ANKFY1: variants seen among roughly 807,000 people sequenced by gnomAD.
ANKFY1 encodes ankyrin repeat and FYVE domain-containing protein 1.
A neutral mutation model predicts 128.3 loss-of-function variants in ANKFY1; 47 were observed. The ratio of observed to expected loss-of-function variants is 0.37; its 90% CI spans 0.29 to 0.47. The LOEUF (loss-of-function observed/expected upper bound fraction) is 0.47, where lower values mean the gene tolerates loss of function less well. Among genes scored for constraint, ANKFY1 ranks in the 20% least tolerant of loss-of-function variants. The probability of loss-of-function intolerance (pLI) is 1.00; values close to 1 mark genes in which losing one functional copy is unlikely to be tolerated. For synonymous variants in ANKFY1, 553 were observed against 601.6 expected (o/e 0.92, Z 1.18); for missense variants, 1,222 against 1,510.6 (o/e 0.81, Z 3.17).
intron 2 of ANKFY1, among the ~76,000 whole-genome samples, chr17:4,240,649 C>T (rs1967160488): frequency 6.6e-6 from 1 of 152,196 alleles, no homozygotes; most frequent in African/African-American, 2.4e-5. Flanking sequence ...GCCTCGGCCT[C>T]CCAAACTGCT....
chr17:4,241,069 A>T (rs918407741), intron 2 of ANKFY1, among the ~76,000 whole-genome samples: 4 of 152,174 alleles, frequency 2.6e-5, no homozygotes, highest in African/African-American at 9.6e-5. Context: ...TTAAAAAGAA[A>T]AACGACAGCT....
intron 1 of ANKFY1, among the ~76,000 whole-genome samples, chr17:4,253,228 A>G (rs980719470): frequency 6.6e-6 from 1 of 152,136 alleles, no homozygotes; most frequent in African/African-American, 2.4e-5. Context: ...CTCAACAACA[A>G]CAACAACAAC....
chr17:4,202,981 C>CACAT (rs56856304), intron 7 of ANKFY1, among the ~76,000 whole-genome samples: 11 of 146,236 alleles, frequency 7.5e-5, no homozygotes, highest in Non-Finnish European at 9.0e-5. Context: ...TAATCATACA[C>CACAT]ATATATATAT....
chr17:4,215,321 TC>T (rs1193322820), intron 4 of ANKFY1, among the ~76,000 whole-genome samples: 1 of 151,752 alleles, frequency 6.6e-6, no homozygotes, highest in African/African-American at 2.4e-5. Flanking sequence ...AGTATTTTCT[TC>T]AGTGTGCCCT....
chr17:4,232,004 T>C (rs2060521033), intron 3 of ANKFY1, among the ~76,000 whole-genome samples: 1 of 152,058 alleles, frequency 6.6e-6, no homozygotes. Flanking sequence ...AATGTGGAGT[T>C]TTTCTTACAT....
chr17:4,208,293 A>G lies in ANKFY1; in HGVS notation c.583-211T>C, dbSNP rs560367824. ...ATATTATGGCATAAAGAGATTAGAT[A>G]ACTTGCTCAAGTTCAGACAGTCCTT... On this transcript the variant is annotated intron_variant, in intron 5 of 24. Coordinates refer to ENST00000341657, the MANE Select transcript of ANKFY1 (RefSeq NM_001330063.2). Among the ~76,000 whole-genome samples, 9 of 152,348 alleles carry G rather than the reference A, an allele frequency of 5.9e-5. No homozygotes were observed. The South Asian group carries it at 1.7e-3, about 28-fold the overall frequency.
chr17:4,194,254 GCCACCATGC>G (rs951405773), intron 10 of ANKFY1, among the ~76,000 whole-genome samples: 4 of 150,890 alleles, frequency 2.7e-5, no homozygotes, highest in Non-Finnish European at 3.0e-5. Context: ...ACAGGAGCCC[GCCACCATGC>G]CCAGCTGATA....
At chr17:4,194,080 C>T (rs899551510) in intron 10 of ANKFY1, among the ~76,000 whole-genome samples, 3 of 135,902 alleles carry the variant, frequency 2.2e-5, no homozygotes, top group Admixed American at 1.6e-4. Flanking sequence ...AGCTACCACG[C>T]CCGGCCATAT....
intron 11 of ANKFY1, chr17:4,188,331 T>C (rs558948243): frequency 6.6e-6 from 1 of 152,412 alleles, no homozygotes; most frequent in Admixed American, 6.5e-5. Context: ...CAAGATACAC[T>C]TGTCTGGCTC....
intron 1 of ANKFY1, among the ~76,000 whole-genome samples, chr17:4,254,942 GAAGA>G (rs1434337660): frequency 1.3e-5 from 2 of 152,082 alleles, no homozygotes; most frequent in African/African-American, 4.8e-5. Flanking sequence ...ACAATTAGCA[GAAGA>G]CAGACTCAAG....
At chr17:4,224,169 A>AT (rs1030278855) in intron 3 of ANKFY1, among the ~76,000 whole-genome samples, 2 of 90,492 alleles carry the variant, frequency 2.2e-5, no homozygotes, top group Admixed American at 1.0e-4. Flanking sequence ...ACTGCTTTTT[A>AT]TTTTTTTTAC....
At chr17:4,173,563 C>T (rs1241285887) in intron 20 of ANKFY1, 119 bp from the exon 21 acceptor site, 10 of 895,832 alleles carry the variant, frequency 1.1e-5, no homozygotes, top group Admixed American at 6.0e-5. Context: ...CGACTGGCCA[C>T]GCACAGAGCC....
intron 19 of ANKFY1, among the ~76,000 whole-genome samples, chr17:4,176,570 A>G (rs951582915): frequency 6.6e-5 from 10 of 152,162 alleles, no homozygotes; most frequent in African/African-American, 2.4e-4. Context: ...ACTTCAACCA[A>G]ACTTTCCTAC....
rs184323750 is a variant in ANKFY1, at chr17:4,179,197, A to G, written c.2398-140T>C. Reference sequence around the variant, plus strand: ...ACCCTGTGTTTGACTCAGCTTTTGAAGAGGCCAAAGAGAAATGACTAAATG... The same window carrying G: ...ACCCTGTGTTTGACTCAGCTTTTGAGGAGGCCAAAGAGAAATGACTAAATG... On this transcript the variant is annotated intron_variant, in intron 17 of 24. Transcript: ENST00000341657. 1.4e-5 allele frequency: 12 copies of G among 880,908 alleles called. No individual in the cohort carries two copies. In the East Asian group the frequency reaches 2.6e-4, roughly 19 times the overall value. 54.6% of individuals were successfully genotyped at this position (880,908 alleles called of 1,614,324 possible). A position where few individuals can be genotyped will look rare whatever the true frequency, so the allele number is the denominator to read the frequency against.
chr17:4,197,933 C>G (rs2059856456), intron 7 of ANKFY1, among the ~76,000 whole-genome samples: 1 of 152,080 alleles, frequency 6.6e-6, no homozygotes, highest in South Asian at 2.1e-4. Context: ...AGTTGGAGAC[C>G]AGCCTGACCA....
rs2059273231 is a variant in ANKFY1, at chr17:4,169,381, G to A, written c.3287-93C>T. The A allele has an allele frequency of 2.2e-6, 2 of 922,104 alleles. No homozygotes were observed. The highest frequency in any genetic ancestry group is 5.3e-5 in the East Asian group (2 of 37,482). 57.1% of individuals were successfully genotyped at this position (922,104 alleles called of 1,614,324 possible). On this transcript the variant is annotated intron_variant, in intron 23 of 24. Coordinates refer to ENST00000341657, the MANE Select transcript of ANKFY1 (RefSeq NM_001330063.2). The surrounding 1 kb of genome is among the most constrained non-coding windows in gnomAD (Gnocchi z 5.0). The stretch of plus-strand genomic sequence containing the variant: ...AGGCAGCAGGAACACAGACCCGTAA[G>A]TGAGGCAGCGCTGCCACATGACATA...
intron 6 of ANKFY1, among the ~76,000 whole-genome samples, chr17:4,206,901 A>C (rs563593035): frequency 6.6e-6 from 1 of 152,284 alleles, no homozygotes; most frequent in African/African-American, 2.4e-5. Context: ...ACCCGGGATA[A>C]AACATACTTC....
In ANKFY1 at chr17:4,178,720, A is replaced by C. The variant is rs1049577246; in HGVS notation, c.2598+137T>G. On this transcript the variant is annotated intron_variant, in intron 18 of 24. Transcript: ENST00000341657. The surrounding 1 kb of genome is among the most constrained non-coding windows in gnomAD (Gnocchi z 4.1). ...GCACGGATGGGACATCTCAACAGCC[A>C]CATCTTAGGACAGGAGTACAACTTC... is the stretch of plus-strand genomic sequence containing the variant. 3.6e-6 allele frequency: 3 copies of C among 838,428 alleles called. No homozygotes were observed. Among genetic ancestry groups the C allele is most frequent in the Admixed American group, 2.2e-5 (1 of 44,644 alleles). 51.9% of individuals were successfully genotyped at this position (838,428 alleles called of 1,614,324 possible).
At chr17:4,231,910 C>G (rs1012655403) in intron 3 of ANKFY1, among the ~76,000 whole-genome samples, 2 of 150,282 alleles carry the variant, frequency 1.3e-5, no homozygotes, top group African/African-American at 4.9e-5. Context: ...GCACTCTAGC[C>G]TGGGTGACAG....
Sources: allele counts gnomAD v4.1 joint callset (sites outside exome capture counted in the v4.1 genomes callset), GRCh38; gene constraint gnomAD v4.1.1; non-coding constraint Gnocchi (gnomAD v3.1); transcripts MANE v1.5; gene names NCBI Gene and HGNC (gene_info 2026-07-23, HGNC 2026-07-21).